Variants in STAB2 observed in about 807,000 individuals in gnomAD.
The protein encoded by STAB2 is stabilin 2.
STAB2 carries 288 observed loss-of-function variants against 338.1 expected under a neutral mutation model. The observed-to-expected ratio is 0.85, with a 90% confidence interval of 0.77 to 0.94. The LOEUF is 0.94. Among genes scored for constraint, STAB2 ranks in the 40% least tolerant of loss-of-function variants. The pLI is 0.00. For synonymous variants in STAB2, 1,202 were observed against 1,193.3 expected, an observed-to-expected ratio of 1.01 and a Z score of -0.15; for missense variants, 3,141 against 3,210.1, an observed-to-expected ratio of 0.98 and a Z score of 0.52.
At chr12:103,652,936 G>A (rs899429932) in intron 12 of STAB2, among the ~76,000 whole-genome samples, 1 of 152,206 alleles carries the variant, frequency 6.6e-6, no homozygotes, top group African/African-American at 2.4e-5. Flanking sequence ...TTTGACTTTG[G>A]TCTGGTCTGA....
At chr12:103,761,671 A>G (rs1884551692) in intron 66 of STAB2, among the ~76,000 whole-genome samples, 1 of 152,112 alleles carries the variant, frequency 6.6e-6, no homozygotes, top group East Asian at 1.9e-4. Flanking sequence ...CACCAAAGGA[A>G]GCGCTGGAAG....
intron 9 of STAB2, among the ~76,000 whole-genome samples, chr12:103,641,872 T>C (rs1036859943): frequency 6.6e-6 from 1 of 152,204 alleles, no homozygotes; most frequent in Non-Finnish European, 1.5e-5. Flanking sequence ...AAAAGCTAGC[T>C]AAGTTATATT....
At chr12:103,661,452 T>G (rs1250973983) in intron 17 of STAB2, among the ~76,000 whole-genome samples, 1 of 152,220 alleles carries the variant, frequency 6.6e-6, no homozygotes, top group African/African-American at 2.4e-5. Context: ...CAGGCACTGT[T>G]GTAGGTCCTG....
intron 26 of STAB2, 29 bp downstream of exon 26, chr12:103,683,329 C>T (rs1351221701): frequency 3.7e-5 from 42 of 1,142,002 alleles, no homozygotes; most frequent in Middle Eastern, 2.1e-4. Flanking sequence ...TTTTTCATTA[C>T]TTAAAAAAAA....
chr12:103,655,150 T>C lies in STAB2; in HGVS notation c.1552-101T>C, dbSNP rs1327047976. On this transcript the variant is annotated intron_variant, in intron 13 of 68. Coordinates refer to ENST00000388887, the MANE Select transcript of STAB2 (RefSeq NM_017564.10). ...CAGGTTCATTTATATAAATCCATAC[T>C]GACACATAAACTCTGTCATCAGTCT... The C allele has an allele frequency of 2.7e-6, 3 of 1,118,488 alleles. No homozygotes were observed. The African/African-American group carries it at 4.7e-5, about 18-fold the overall frequency. The allele number at this position is 1,118,488 out of a possible 1,614,324, so 69.3% of individuals were successfully genotyped here. A position where few individuals can be genotyped will look rare whatever the true frequency, so the allele number is the denominator to read the frequency against.
intron 42 of STAB2, 24 bp downstream of exon 42, chr12:103,713,792 C>T (rs1013069207): frequency 4.3e-6 from 7 of 1,612,314 alleles, no homozygotes; most frequent in Admixed American, 3.3e-5. Context: ...CCTCTTCCAT[C>T]GGCGAAATGG....
chr12:103,679,454 T>A (rs1391761997), intron 25 of STAB2, among the ~76,000 whole-genome samples: 2 of 152,142 alleles, frequency 1.3e-5, no homozygotes, highest in African/African-American at 4.8e-5. Flanking sequence ...TGGCATGCTC[T>A]CACCCTAGCC....
intron 22 of STAB2, among the ~76,000 whole-genome samples, chr12:103,673,465 C>T (rs1282675566): frequency 6.6e-6 from 1 of 151,962 alleles, no homozygotes; most frequent in Non-Finnish European, 1.5e-5. Flanking sequence ...TCCCACCTCT[C>T]GGCCTCTGCA....
chr12:103,705,551 G>A (rs1879271042), intron 36 of STAB2, 81 bp from the exon 37 acceptor site: 4 of 1,129,056 alleles, frequency 3.5e-6, no homozygotes, highest in Non-Finnish European at 5.3e-6. Context: ...AGACAGCAAT[G>A]CATCACCCAC....
At chr12:103,679,784 C>A (rs1033579168) in intron 25 of STAB2, among the ~76,000 whole-genome samples, 2 of 152,158 alleles carry the variant, frequency 1.3e-5, no homozygotes. Flanking sequence ...TGGGTATACA[C>A]CCAAAAGAAT....
In STAB2 at chr12:103,596,113, T is replaced by C. The variant is rs996516913; in HGVS notation, c.331+1603T>C. Among the ~76,000 whole-genome samples, 10 of 152,342 alleles carry C rather than the reference T, an allele frequency of 6.6e-5. 1 individual carries two copies. Among genetic ancestry groups the C allele is most frequent in the Admixed American group, 3.3e-4 (5 of 15,308 alleles). ...AATTAACTCTGTTAATCAAATTCAG[T>C]GTCTTTTAAAGCAATTAACTCCGAC... On this transcript the variant is annotated intron_variant, in intron 3 of 68. Coordinates refer to ENST00000388887, the MANE Select transcript of STAB2 (RefSeq NM_017564.10).
chr12:103,730,735 A>G (rs1881569320), intron 49 of STAB2, among the ~76,000 whole-genome samples: 1 of 152,204 alleles, frequency 6.6e-6, no homozygotes, highest in African/African-American at 2.4e-5. Context: ...GGAGCAGAGC[A>G]GCCCAAGGAG....
Position 103,676,064 on chromosome 12 carries a change from T to TC in STAB2, c.2646+43_2646+44insC, listed in dbSNP as rs1566005578. On this transcript the variant is annotated intron_variant, in intron 24 of 68. Transcript: ENST00000388887. ...TTTCCACCCTGCCTGGTTTCTTTTT[T>TC]TTTTTTTTTTTTTTTGAGACAGAGT... is the stretch of plus-strand genomic sequence containing the variant. 8.8e-6 allele frequency: 12 copies of TC among 1,365,968 alleles called. No homozygotes were observed. In the South Asian group the frequency reaches 1.4e-4, roughly 15 times the overall value. 84.6% of individuals were successfully genotyped at this position (1,365,968 alleles called of 1,614,324 possible).
At chr12:103,723,432 C>A (rs965778744) in intron 44 of STAB2, among the ~76,000 whole-genome samples, 2 of 152,210 alleles carry the variant, frequency 1.3e-5, no homozygotes, top group African/African-American at 4.8e-5. Context: ...CAGGAAAGAC[C>A]TGCCCCACAA....
At chr12:103,723,747 G>A (rs1489256944) in intron 44 of STAB2, among the ~76,000 whole-genome samples, 1 of 152,166 alleles carries the variant, frequency 6.6e-6, no homozygotes. Flanking sequence ...AGCCAGGGAG[G>A]GTCACAGTGT....
chr12:103,660,171 A>T (rs1338211677), intron 15 of STAB2, among the ~76,000 whole-genome samples, 160 bp from the exon 16 acceptor site: 8 of 152,212 alleles, frequency 5.3e-5, no homozygotes, highest in Non-Finnish European at 1.0e-4. Context: ...GAATTTGGTG[A>T]ACGTTAGCTA....
chr12:103,672,618 C>T (rs748962850), intron 22 of STAB2, among the ~76,000 whole-genome samples: 55 of 152,194 alleles, frequency 3.6e-4, no homozygotes, highest in Non-Finnish European at 5.7e-4. Context: ...CCATGAGTCC[C>T]TTCTGGGGTG....
At chr12:103,693,498 A>C (rs1458980413) in intron 31 of STAB2, among the ~76,000 whole-genome samples, 1 of 142,320 alleles carries the variant, frequency 7.0e-6, no homozygotes, top group Admixed American at 7.1e-5. Context: ...CTGTACAACC[A>C]GATGGGATAT....
intron 11 of STAB2, among the ~76,000 whole-genome samples, chr12:103,652,299 G>T (rs1458339361): frequency 6.6e-6 from 1 of 152,180 alleles, no homozygotes; most frequent in African/African-American, 2.4e-5. Flanking sequence ...ACCTCCCCTG[G>T]TTTGAGAGTA....
Sources: allele counts gnomAD v4.1 joint callset (sites outside exome capture counted in the v4.1 genomes callset), GRCh38; gene constraint gnomAD v4.1.1; transcripts MANE v1.5; gene names NCBI Gene and HGNC (gene_info 2026-07-23, HGNC 2026-07-21).